ASAH2: variants seen among roughly 807,000 people sequenced by gnomAD.
The protein encoded by ASAH2 is neutral ceramidase.
Under a neutral mutation model 82.9 loss-of-function variants are expected in ASAH2, and 58 were observed. That is an observed-to-expected ratio of 0.70 (90% CI 0.57 to 0.87). The LOEUF (loss-of-function observed/expected upper bound fraction) is 0.87, where lower values mean the gene tolerates loss of function less well. Among genes scored for constraint, ASAH2 ranks in the 40% least tolerant of loss-of-function variants. The pLI is 0.00. For missense variants in ASAH2, 779 were observed against 834.0 expected (o/e 0.93, Z 0.81); for synonymous variants, 276 against 289.7 (o/e 0.95, Z 0.48).
At chr10:50,201,206 T>C (rs1254018863) in intron 16 of ASAH2, among the ~76,000 whole-genome samples, 1 of 152,036 alleles carries the variant, frequency 6.6e-6, no homozygotes, top group Non-Finnish European at 1.5e-5. Context: ...GAGCTACCTC[T>C]ACCACTCAAT....
In ASAH2 at chr10:50,212,957, A is replaced by G; in HGVS notation, c.1227+15T>C. The G allele has an allele frequency of 1.2e-6, 2 of 1,608,476 alleles. No individual in the cohort carries two copies. The highest frequency in any genetic ancestry group is 2.2e-5 in the South Asian group (2 of 90,960). On this transcript the variant is annotated intron_variant, in intron 10 of 20. Transcript: ENST00000682911. Reference sequence around the variant, plus strand: ...ATTTTAAACAAAGATTAAAGGAGCGAGGCCCATGGCTTACCTTTGCTCTCT... The same window carrying G: ...ATTTTAAACAAAGATTAAAGGAGCGGGGCCCATGGCTTACCTTTGCTCTCT...
chr10:50,216,228 C>A (rs1845597332), intron 8 of ASAH2, among the ~76,000 whole-genome samples: 1 of 151,876 alleles, frequency 6.6e-6, no homozygotes, highest in African/African-American at 2.4e-5. Flanking sequence ...ATAGGTGCAG[C>A]AAACCACCAT....
intron 12 of ASAH2, among the ~76,000 whole-genome samples, chr10:50,207,269 T>G (rs1056282833): frequency 2.6e-5 from 4 of 151,576 alleles, no homozygotes; most frequent in Non-Finnish European, 4.4e-5. Context: ...CTTGAAGATA[T>G]TGGAAAAGGA....
At chr10:50,199,407 C>T (rs1348944768) in intron 16 of ASAH2, among the ~76,000 whole-genome samples, 2 of 151,550 alleles carry the variant, frequency 1.3e-5, no homozygotes, top group African/African-American at 2.4e-5. Flanking sequence ...CTATGAAAGA[C>T]GGTGCTAGCT....
rs1267836910 is a variant in ASAH2, at chr10:50,217,233, T to C, written c.1014+1277A>G. ...CTAGTTCCTCTTGTTTTCTTTCTTTTTTTTTTTTTTTTGAGACGGAGTCTC... is the reference window on the plus strand; with the variant it reads ...CTAGTTCCTCTTGTTTTCTTTCTTTCTTTTTTTTTTTTGAGACGGAGTCTC... On this transcript the variant is annotated intron_variant, in intron 8 of 20. Coordinates refer to ENST00000682911, the MANE Select transcript of ASAH2 (RefSeq NM_019893.4). Among the ~76,000 whole-genome samples the C allele has an allele frequency of 9.4e-5, 14 of 149,252 alleles. No homozygotes were observed. In the South Asian group the frequency reaches 1.5e-3, roughly 16 times the overall value.
chr10:50,222,564 G>A (rs1200147675), intron 7 of ASAH2, among the ~76,000 whole-genome samples: 1 of 152,118 alleles, frequency 6.6e-6, no homozygotes, highest in Non-Finnish European at 1.5e-5. Context: ...ACAGGCATGA[G>A]CCACCACACC....
At chr10:50,210,753 A>G in intron 12 of ASAH2, 70 bp downstream of exon 12, 2 of 1,261,924 alleles carry the variant, frequency 1.6e-6, no homozygotes, top group South Asian at 2.4e-5. Context: ...CTACAATGAA[A>G]CCTGATCAGA....
At chr10:50,228,471 T>C (rs1319614085) in intron 7 of ASAH2, among the ~76,000 whole-genome samples, 5 of 152,180 alleles carry the variant, frequency 3.3e-5, no homozygotes, top group Non-Finnish European at 5.9e-5. Context: ...AACAGTTTTA[T>C]GTAAAAAAAG....
chr10:50,239,710 C>T (rs979979923), intron 4 of ASAH2, among the ~76,000 whole-genome samples: 5 of 151,930 alleles, frequency 3.3e-5, no homozygotes, highest in Non-Finnish European at 5.9e-5. Flanking sequence ...CTCATAGAGT[C>T]GTTTGGAGGA....
At chr10:50,204,406 A>G (rs1401540935) in intron 14 of ASAH2, among the ~76,000 whole-genome samples, 1 of 151,970 alleles carries the variant, frequency 6.6e-6, no homozygotes, top group Non-Finnish European at 1.5e-5. Context: ...AGAGGAAGAA[A>G]CAGAAAAAGA....
chr10:50,201,232 T>C (rs1283869701), intron 16 of ASAH2, among the ~76,000 whole-genome samples: 3 of 151,968 alleles, frequency 2.0e-5, no homozygotes, highest in Admixed American at 6.6e-5. Flanking sequence ...CCTGAATTCA[T>C]CCTTCATGTC....
intron 9 of ASAH2, among the ~76,000 whole-genome samples, chr10:50,213,390 C>T (rs1050005182): frequency 3.3e-5 from 5 of 152,110 alleles, no homozygotes; most frequent in African/African-American, 1.2e-4. Context: ...CATCTTTCTA[C>T]TTGCTTGTTC....
chr10:50,202,703 T>C lies in ASAH2; in HGVS notation c.1761+126A>G, dbSNP rs919176983. ...CTCTGGCTTATCATCCTCTTACCTG[T>C]TATACCTGAAACATAATCATCTCTC... is the stretch of plus-strand genomic sequence containing the variant. On this transcript the variant is annotated intron_variant, in intron 16 of 20. Coordinates refer to ENST00000682911, the MANE Select transcript of ASAH2 (RefSeq NM_019893.4). The C allele has an allele frequency of 3.2e-3, 2,427 of 752,326 alleles. 33 individuals carry two copies. In the African/African-American group the frequency reaches 0.035, roughly 11 times the overall value. The allele number at this position is 752,326 out of a possible 1,614,324, so 46.6% of individuals were successfully genotyped here.
chr10:50,248,241 A>C (rs550045925), intron 2 of ASAH2, among the ~76,000 whole-genome samples: 1 of 152,324 alleles, frequency 6.6e-6, no homozygotes, highest in Admixed American at 6.5e-5. Flanking sequence ...CAATGGAAAA[A>C]CTAATGGCAA....
At chr10:50,247,405 T>A (rs906786275) in intron 2 of ASAH2, among the ~76,000 whole-genome samples, 1 of 151,942 alleles carries the variant, frequency 6.6e-6, no homozygotes, top group Non-Finnish European at 1.5e-5. Context: ...CCTCAGGTGA[T>A]CTGCCTACCT....
intron 7 of ASAH2, among the ~76,000 whole-genome samples, chr10:50,227,659 T>C (rs1845924054): frequency 6.6e-6 from 1 of 150,576 alleles, no homozygotes; most frequent in Non-Finnish European, 1.5e-5. Context: ...ATCTCCCAGA[T>C]TTTTTTCAGG....
chr10:50,217,046 C>T (rs1012299881), intron 8 of ASAH2, among the ~76,000 whole-genome samples: 16 of 152,182 alleles, frequency 1.1e-4, no homozygotes, highest in Admixed American at 9.8e-4. Flanking sequence ...GAGACTGATC[C>T]CTCCTGAATA....
intron 12 of ASAH2, among the ~76,000 whole-genome samples, chr10:50,208,828 A>C (rs1845379358): frequency 1.3e-5 from 2 of 152,164 alleles, no homozygotes; most frequent in African/African-American, 2.4e-5. Context: ...ATTCCTGTGG[A>C]ATCTCAAGAA....
chr10:50,244,716 G>T (rs1347043872), intron 3 of ASAH2, among the ~76,000 whole-genome samples: 1 of 152,116 alleles, frequency 6.6e-6, no homozygotes, highest in Non-Finnish European at 1.5e-5. Flanking sequence ...TAAGAGATTT[G>T]AATCTTCAAC....
Sources: gnomAD v4.1 joint callset for allele counts (sites outside exome capture counted in the v4.1 genomes callset) on GRCh38, gnomAD v4.1.1 for gene constraint, MANE v1.5 for transcripts, NCBI Gene and HGNC (gene_info 2026-07-23, HGNC 2026-07-21) for gene names.